Variants in RO60 observed in about 807,000 individuals in gnomAD.
RO60 encodes the protein Ro60, Y RNA binding protein, also known as RNA-binding protein RO60.
A neutral mutation model predicts 55.3 loss-of-function variants in RO60; 20 were observed. That is an observed-to-expected ratio of 0.36 (90% CI 0.25 to 0.53). The LOEUF is 0.53. RO60 is among the 20% of genes least tolerant of loss of function. The pLI is 0.92. For synonymous variants in RO60, 213 were observed against 213.6 expected, an observed-to-expected ratio of 1.00 and a Z score of 0.02; for missense variants, 558 against 646.6, an observed-to-expected ratio of 0.86 and a Z score of 1.49.
At position 193,084,684 on chromosome 1, in the gene RO60, A is replaced by C. The variant is rs560206035; in HGVS notation, c.1570A>C (p.Thr524Pro). ...CATGTTGGATATGTGCGGCTTTGAT[A>C]CTGGAGCTCTGGATGTAATTCGAAA... ...RGMLDMCGFDTGALDVIRNFT... is the reference protein window; with the variant it reads ...RGMLDMCGFDPGALDVIRNFT... Residue 524 changes from threonine to proline, a missense_variant, in exon 9 of 9, where the codon ACT becomes CCT. Coordinates refer to ENST00000400968, the MANE Select transcript of RO60 (RefSeq NM_001173524.2). The C allele has an allele frequency of 6.2e-7, 1 of 1,613,744 alleles. No homozygotes were observed. The highest frequency in any genetic ancestry group is 1.7e-5 in the Admixed American group (1 of 59,960).
intron 2 of RO60, 89 bp downstream of exon 2, chr1:193,069,723 A>T: frequency 9.6e-7 from 1 of 1,044,938 alleles, no homozygotes. Flanking sequence ...CAAGTGTGTA[A>T]TATTTTCTAG....
rs1674603696 is a variant in RO60 at position 193,085,857 on chromosome 1, A to G, written c.*1126A>G. ...TTGAGTAGCATATTACCAGCTAGCC[A>G]GTCACTAGGAATTTTTTTCAGTATT... On this transcript the variant is annotated 3_prime_UTR_variant, in exon 9 of 9. Coordinates refer to ENST00000400968, the MANE Select transcript of RO60 (RefSeq NM_001173524.2). 1 of 985,208 alleles carries G rather than the reference A, an allele frequency of 1.0e-6. No individual in the cohort carries two copies. The highest frequency in any genetic ancestry group is 1.7e-5 in the African/African-American group (1 of 57,238). 61.0% of individuals were successfully genotyped at this position (985,208 alleles called of 1,614,324 possible).
In RO60 at chr1:193,086,325, C is replaced by G. The variant is rs1674622379; in HGVS notation, c.*1594C>G. ...TATTAATGCTGGTTTTGATATGTAC[C>G]CATTCCTTCAAGGCAACTGGTATCA... On this transcript the variant is annotated 3_prime_UTR_variant, in exon 9 of 9. Coordinates refer to ENST00000400968, the MANE Select transcript of RO60 (RefSeq NM_001173524.2). 2 of 151,880 alleles carry G rather than the reference C, an allele frequency of 1.3e-5. No individual in the cohort carries two copies. The highest frequency in any genetic ancestry group is 4.2e-4 in the South Asian group (2 of 4,812). 9.4% of individuals were successfully genotyped at this position (151,880 alleles called of 1,614,324 possible). A position where few individuals can be genotyped will look rare whatever the true frequency, so the allele number is the denominator to read the frequency against.
intron 1 of RO60, among the ~76,000 whole-genome samples, chr1:193,068,333 CTA>C (rs1558236684): frequency 6.6e-6 from 1 of 152,198 alleles, no homozygotes; most frequent in African/African-American, 2.4e-5. Flanking sequence ...ACCCACCAAT[CTA>C]TGTTTCAATT....
chr1:193,072,405 A>G (rs577524105), intron 2 of RO60, among the ~76,000 whole-genome samples: 7 of 151,404 alleles, frequency 4.6e-5, no homozygotes, highest in African/African-American at 1.5e-4. Context: ...TATACAGTGC[A>G]TGCATTTTTT....
chr1:193,075,394 A>G (rs1395233375), intron 2 of RO60, among the ~76,000 whole-genome samples: 1 of 150,058 alleles, frequency 6.7e-6, no homozygotes. Flanking sequence ...TTGTAAATAT[A>G]TATATTTTAT....
In RO60 at chr1:193,075,767, G is replaced by T. The variant is rs56346896; in HGVS notation, c.581-53G>T. Reference sequence around the variant, plus strand: ...AATGCATTTTGAGGAAACATGTTCTGTTTTTTTACTTGGTAATCCTGCATG... The same window carrying T: ...AATGCATTTTGAGGAAACATGTTCTTTTTTTTTACTTGGTAATCCTGCATG... On this transcript the variant is annotated intron_variant, in intron 2 of 8. Coordinates refer to ENST00000400968, the MANE Select transcript of RO60 (RefSeq NM_001173524.2). The T allele has an allele frequency of 1.7e-4, 238 of 1,365,876 alleles. 1 individual carries two copies. In the East Asian group the frequency reaches 5.1e-3, roughly 30 times the overall value. The allele number at this position is 1,365,876 out of a possible 1,614,324, so 84.6% of individuals were successfully genotyped here. A position where few individuals can be genotyped will look rare whatever the true frequency, so the allele number is the denominator to read the frequency against.
In RO60 at chr1:193,085,538, T is replaced by C; in HGVS notation, c.*807T>C. 1 of 984,976 alleles carries C rather than the reference T, an allele frequency of 1.0e-6. No homozygotes were observed. Among genetic ancestry groups the C allele is most frequent in the Non-Finnish European group, 1.2e-6 (1 of 829,684 alleles). The allele number at this position is 984,976 out of a possible 1,614,324, so 61.0% of individuals were successfully genotyped here. On this transcript the variant is annotated 3_prime_UTR_variant, in exon 9 of 9. Transcript: ENST00000400968. ...ATTATAATAACATAGCCAGATGTAG[T>C]CTCACACTGTTTTTCATACTCTTAA...
intron 5 of RO60, among the ~76,000 whole-genome samples, chr1:193,079,331 C>T (rs1015614456): frequency 4.6e-5 from 7 of 152,078 alleles, no homozygotes; most frequent in South Asian, 2.1e-4. Context: ...TCAAGTGATC[C>T]GCCCACCTTG....
At chr1:193,081,312 T>G (rs1047939266) in intron 5 of RO60, 52 bp from the exon 6 acceptor site, 4 of 1,018,998 alleles carry the variant, frequency 3.9e-6, no homozygotes, top group Non-Finnish European at 6.0e-6. Context: ...AGAAATTTAG[T>G]CTACTTATAA....
intron 5 of RO60, 138 bp from the exon 6 acceptor site, chr1:193,081,226 T>C: frequency 4.4e-6 from 2 of 459,170 alleles, no homozygotes; most frequent in Non-Finnish European, 7.9e-6. Context: ...CATTTTTAAA[T>C]AGTTGTCAAT....
chr1:193,085,781 T>C lies in RO60; in HGVS notation c.*1050T>C, dbSNP rs2103082133. 2 of 984,990 alleles carry C rather than the reference T, an allele frequency of 2.0e-6. No homozygotes were observed. The highest frequency in any genetic ancestry group is 1.1e-4 in the East Asian group (1 of 8,836). 61.0% of individuals were successfully genotyped at this position (984,990 alleles called of 1,614,324 possible). A position where few individuals can be genotyped will look rare whatever the true frequency, so the allele number is the denominator to read the frequency against. ...GTGGCAAAATATTCTTCTTTGATAGTGTAAACAAATAATAAAGCAATCTAG... is the reference window on the plus strand; with the variant it reads ...GTGGCAAAATATTCTTCTTTGATAGCGTAAACAAATAATAAAGCAATCTAG... On this transcript the variant is annotated 3_prime_UTR_variant, in exon 9 of 9. Coordinates refer to ENST00000400968, the MANE Select transcript of RO60 (RefSeq NM_001173524.2).
chr1:193,083,637 C>CA (rs1674469870), intron 8 of RO60, among the ~76,000 whole-genome samples: 1 of 152,354 alleles, frequency 6.6e-6, no homozygotes, highest in East Asian at 1.9e-4. Flanking sequence ...TGAGGCCCGT[C>CA]AGAGACCTGC....
chr1:193,059,775 A>G lies in RO60; in HGVS notation c.-23A>G, dbSNP rs1036452061. On this transcript the variant is annotated splice_region_variant and 5_prime_UTR_variant, in exon 1 of 9. Transcript: ENST00000400968. This position sits in a 1 kb window ranked among gnomAD's most constrained non-coding sequence, Gnocchi z 4.9. ...ATCCAGGGGGTCGGCTGCCAGGTACAGGTGAGGACATTGCGGGAGGCCGGC... is the reference window on the plus strand; with the variant it reads ...ATCCAGGGGGTCGGCTGCCAGGTACGGGTGAGGACATTGCGGGAGGCCGGC... 8 of 1,356,558 alleles carry G rather than the reference A, an allele frequency of 5.9e-6. No homozygotes were observed. In the African/African-American group the frequency reaches 5.9e-5, roughly 10 times the overall value. 84.0% of individuals were successfully genotyped at this position (1,356,558 alleles called of 1,614,324 possible).
intron 1 of RO60, among the ~76,000 whole-genome samples, chr1:193,065,357 G>T (rs949250497): frequency 1.3e-5 from 2 of 152,142 alleles, no homozygotes; most frequent in African/African-American, 2.4e-5. Context: ...TTTGAGGTTT[G>T]GTTTGGGACC....
intron 2 of RO60, chr1:193,070,543 TGCA>T: frequency 2.3e-6 from 1 of 425,916 alleles, no homozygotes; most frequent in Admixed American, 2.6e-5. Flanking sequence ...TTTTTTTTTT[TGCA>T]CCGGAAGTGA....
At chr1:193,067,382 G>A (rs1007770677) in intron 1 of RO60, among the ~76,000 whole-genome samples, 13 of 151,678 alleles carry the variant, frequency 8.6e-5, no homozygotes, top group African/African-American at 2.7e-4. Context: ...TAGAGACGGG[G>A]TTTCACCATT....
intron 5 of RO60, among the ~76,000 whole-genome samples, chr1:193,080,401 T>C (rs915893216): frequency 2.0e-5 from 3 of 152,190 alleles, no homozygotes; most frequent in African/African-American, 7.2e-5. Context: ...CATCCAGCAA[T>C]TCCATTTCTA....
In RO60 at chr1:193,085,524, A is replaced by G. The variant is rs958730149; in HGVS notation, c.*793A>G. Reference sequence around the variant, plus strand: ...ATGATTTCCTCTGAATTATAATAACATAGCCAGATGTAGTCTCACACTGTT... The same window carrying G: ...ATGATTTCCTCTGAATTATAATAACGTAGCCAGATGTAGTCTCACACTGTT... On this transcript the variant is annotated 3_prime_UTR_variant, in exon 9 of 9. Coordinates refer to ENST00000400968, the MANE Select transcript of RO60 (RefSeq NM_001173524.2). 16 of 985,038 alleles carry G rather than the reference A, an allele frequency of 1.6e-5. No homozygotes were observed. Among genetic ancestry groups the G allele is most frequent in the Non-Finnish European group, 1.8e-5 (15 of 829,872 alleles). The allele number at this position is 985,038 out of a possible 1,614,324, so 61.0% of individuals were successfully genotyped here.
Sources: gnomAD v4.1 joint callset for allele counts (sites outside exome capture counted in the v4.1 genomes callset) on GRCh38, gnomAD v4.1.1 for gene constraint, Gnocchi (gnomAD v3.1) non-coding constraint, MANE v1.5 for transcripts, NCBI Gene and HGNC (gene_info 2026-07-23, HGNC 2026-07-21) for gene names.